RPS6KA2: variants seen among roughly 807,000 people sequenced by gnomAD.
RPS6KA2 encodes ribosomal protein S6 kinase A2, also known as ribosomal protein S6 kinase alpha-2.
RPS6KA2 carries 42 observed loss-of-function variants against 91.8 expected under a neutral mutation model. The observed-to-expected ratio is 0.46, with a 90% CI of 0.36 to 0.59. The LOEUF (loss-of-function observed/expected upper bound fraction) is 0.59. Among genes scored for constraint, RPS6KA2 ranks in the 20% least tolerant of loss-of-function variants. The pLI is 0.00. For synonymous variants in RPS6KA2, 414 were observed against 393.6 expected (o/e 1.05, Z -0.61); for missense variants, 798 against 978.5 (o/e 0.82, Z 2.46).
chr6:166,483,915 A>G (rs1781322221), intron 10 of RPS6KA2, among the ~76,000 whole-genome samples: 2 of 152,254 alleles, frequency 1.3e-5, no homozygotes, highest in African/African-American at 4.8e-5. Flanking sequence ...GCAGGTGTGA[A>G]GTGCTAAGAG....
chr6:166,805,081 T>C (rs1444827402), intron 2 of RPS6KA2, among the ~76,000 whole-genome samples: 3 of 152,230 alleles, frequency 2.0e-5, no homozygotes, highest in South Asian at 2.1e-4. Context: ...GTAATTATTT[T>C]GGAACTCTGG....
chr6:166,546,971 C>T (rs1044681446), intron 1 of RPS6KA2, among the ~76,000 whole-genome samples: 2 of 152,076 alleles, frequency 1.3e-5, no homozygotes, highest in African/African-American at 2.4e-5. Context: ...TTCTTTGAGA[C>T]AGGGTCTTAC....
At chr6:166,602,070 A>T (rs930458521) in intron 1 of RPS6KA2, among the ~76,000 whole-genome samples, 2 of 152,238 alleles carry the variant, frequency 1.3e-5, no homozygotes, top group African/African-American at 4.8e-5. Flanking sequence ...ATAGATGGGG[A>T]ACGCAAAGAG....
At chr6:166,670,876 A>C (rs912115153) in intron 2 of RPS6KA2, among the ~76,000 whole-genome samples, 3 of 152,180 alleles carry the variant, frequency 2.0e-5, no homozygotes, top group Non-Finnish European at 4.4e-5. Context: ...GCTGGAGTGC[A>C]ATGGCATGAG....
chr6:166,800,148 C>T (rs950412063), intron 2 of RPS6KA2, among the ~76,000 whole-genome samples: 4 of 152,174 alleles, frequency 2.6e-5, no homozygotes, highest in African/African-American at 9.7e-5. Flanking sequence ...CTCAGGAGTT[C>T]TAGAAAAATA....
intron 2 of RPS6KA2, among the ~76,000 whole-genome samples, chr6:166,721,358 C>T (rs755968104): frequency 6.6e-5 from 10 of 152,288 alleles, no homozygotes; most frequent in East Asian, 1.9e-4. Flanking sequence ...ATTCATCTGA[C>T]GGCCAGGACC....
At chr6:166,828,787 G>A (rs991665713) in intron 2 of RPS6KA2, among the ~76,000 whole-genome samples, 6 of 152,244 alleles carry the variant, frequency 3.9e-5, no homozygotes, top group African/African-American at 9.6e-5. Context: ...TGGATATGAC[G>A]TCAAAGGCAC....
intron 2 of RPS6KA2, among the ~76,000 whole-genome samples, chr6:166,658,769 T>A (rs1788073460): frequency 6.6e-6 from 1 of 152,162 alleles, no homozygotes. Context: ...AAGGGAAACT[T>A]GTTGAACTAT....
intron 1 of RPS6KA2, among the ~76,000 whole-genome samples, chr6:166,560,266 C>T (rs1258761965): frequency 2.6e-5 from 4 of 152,210 alleles, no homozygotes; most frequent in Non-Finnish European, 5.9e-5. Flanking sequence ...GGATTCCAAG[C>T]ACATATTTCA....
At position 166,733,859 on chromosome 6, in the gene RPS6KA2, G is replaced by C. The variant is rs1413008184; in HGVS notation, c.123+124341C>G. On this transcript the variant is annotated intron_variant, in intron 2 of 21. Coordinates refer to the RPS6KA2 transcript ENST00000503859. The surrounding 1 kb of genome is among the most constrained non-coding windows in gnomAD (Gnocchi z 4.1). ...GCGGATATGAGCAGGTTTACAGGCT[G>C]AACAGAGTAAACCAATAGAAAGAGA... 6.6e-6 allele frequency among the ~76,000 whole-genome samples: 1 copy of C among 152,178 alleles called. No individual in the cohort carries two copies. Among genetic ancestry groups the C allele is most frequent in the Non-Finnish European group, 1.5e-5 (1 of 68,030 alleles).
chr6:166,630,590 C>T (rs759267360), upstream of RPS6KA2, among the ~76,000 whole-genome samples: 7 of 152,186 alleles, frequency 4.6e-5, no homozygotes, highest in Non-Finnish European at 8.8e-5. Context: ...CGTGCTTTTC[C>T]GGAGTATCAG....
chr6:166,590,520 A>C (rs3778383), intron 1 of RPS6KA2, among the ~76,000 whole-genome samples: 1 of 152,148 alleles, frequency 6.6e-6, no homozygotes, highest in Non-Finnish European at 1.5e-5. Context: ...CCAGACATGC[A>C]GCAGCACAAT....
At chr6:166,512,265 T>G (rs1301092920) in intron 3 of RPS6KA2, among the ~76,000 whole-genome samples, 1 of 151,840 alleles carries the variant, frequency 6.6e-6, no homozygotes, top group East Asian at 1.9e-4. Context: ...TTGCCCAGAG[T>G]AGCCAGAATC....
chr6:166,659,713 G>C (rs1347713577), intron 2 of RPS6KA2, among the ~76,000 whole-genome samples: 1 of 152,126 alleles, frequency 6.6e-6, no homozygotes, highest in Non-Finnish European at 1.5e-5. Flanking sequence ...ACACGGGTGG[G>C]AGCCAGCGCT....
At chr6:166,757,681 C>G (rs1778055800) in intron 2 of RPS6KA2, 1 of 447,204 alleles carries the variant, frequency 2.2e-6, no homozygotes, top group African/African-American at 2.0e-5. Flanking sequence ...CTGCGCCCGT[C>G]CTCGTCACCA....
chr6:166,713,919 C>T (rs3734602), intron 2 of RPS6KA2, among the ~76,000 whole-genome samples: 85,438 of 152,074 alleles, frequency 0.56, 27,205 homozygotes, highest in South Asian at 0.81. Context: ...CTGTCACCCA[C>T]GTTAACCTAT....
chr6:166,529,422 G>A (rs959014646), intron 3 of RPS6KA2, among the ~76,000 whole-genome samples: 3 of 152,166 alleles, frequency 2.0e-5, no homozygotes, highest in Non-Finnish European at 1.5e-5. Context: ...GGCCTGTGGT[G>A]GGGTGGAGGG....
chr6:166,764,104 C>G (rs116881605), intron 2 of RPS6KA2, among the ~76,000 whole-genome samples: 1 of 152,188 alleles, frequency 6.6e-6, no homozygotes, highest in South Asian at 2.1e-4. Flanking sequence ...TGCCTTGCAT[C>G]GCTGCCGGCT....
intron 2 of RPS6KA2, among the ~76,000 whole-genome samples, chr6:166,763,251 T>G (rs550379221): frequency 6.6e-6 from 1 of 152,240 alleles, no homozygotes; most frequent in Non-Finnish European, 1.5e-5. Flanking sequence ...TTGGAGTCAT[T>G]AAAGGGTTAC....
Sources: gnomAD v4.1 joint callset for allele counts (sites outside exome capture counted in the v4.1 genomes callset) on GRCh38, gnomAD v4.1.1 for gene constraint, Gnocchi (gnomAD v3.1) non-coding constraint, MANE v1.5 for transcripts, NCBI Gene and HGNC (gene_info 2026-07-23, HGNC 2026-07-21) for gene names.